Variants in ATP5MJ observed in about 807,000 individuals in gnomAD.
ATP5MJ encodes ATP synthase F(0) complex subunit j, mitochondrial.
Under a neutral mutation model 8.3 loss-of-function variants are expected in ATP5MJ, and 4 were observed. The ratio of observed to expected loss-of-function variants is 0.48; its 90% CI spans 0.24 to 1.11. The LOEUF is 1.11. Ranked by LOEUF, ATP5MJ falls within the 50% of genes least tolerant of loss-of-function variation. ATP5MJ has a pLI of 0.18. For missense variants in ATP5MJ, 66 were observed against 71.8 expected, an observed-to-expected ratio of 0.92 and a Z score of 0.29; for synonymous variants, 23 against 21.3, an observed-to-expected ratio of 1.08 and a Z score of -0.23.
At chr14:103,917,406 G>A (rs748649883) in intron 1 of ATP5MJ, among the ~76,000 whole-genome samples, 1 of 152,138 alleles carries the variant, frequency 6.6e-6, no homozygotes, top group Non-Finnish European at 1.5e-5. Flanking sequence ...GGGCCTTGGA[G>A]GCTAGCATAG....
Position 103,919,075 on chromosome 14 carries a change from G to A in ATP5MJ, c.-1+2395C>T, listed in dbSNP as rs532446399. ...GGACCCAGCCTAGTGCCTAGTGCCTGGTACGGAATAAAAATCCAGAGAATG... is the reference window on the plus strand; with the variant it reads ...GGACCCAGCCTAGTGCCTAGTGCCTAGTACGGAATAAAAATCCAGAGAATG... On this transcript the variant is annotated intron_variant, in intron 1 of 3. Transcript: ENST00000286953. 2.0e-5 allele frequency among the ~76,000 whole-genome samples: 3 copies of A among 151,884 alleles called. No individual in the cohort carries two copies. The South Asian group carries it at 6.3e-4, about 32-fold the overall frequency.
chr14:103,914,748 A>G, intron 2 of ATP5MJ: 2 of 533,600 alleles, frequency 3.7e-6, no homozygotes, highest in East Asian at 3.1e-5. Flanking sequence ...AATCACCTGA[A>G]ATCACCTGAG....
rs1230929866 is a variant in ATP5MJ, at chr14:103,913,838, A to G, written c.148+123T>C. The G allele has an allele frequency of 5.3e-6, 6 of 1,141,960 alleles. No individual in the cohort carries two copies. In the African/African-American group the frequency reaches 9.3e-5, roughly 18 times the overall value. 70.7% of individuals were successfully genotyped at this position (1,141,960 alleles called of 1,614,324 possible). On this transcript the variant is annotated intron_variant, in intron 3 of 3. Coordinates refer to ENST00000286953, the MANE Select transcript of ATP5MJ (RefSeq NM_004894.3). Reference sequence around the variant, plus strand: ...AAACTTCAAGCTGTGAAGCATTTCAACTGCACCTTACATATATACTGAACT... The same window carrying G: ...AAACTTCAAGCTGTGAAGCATTTCAGCTGCACCTTACATATATACTGAACT...
intron 2 of ATP5MJ, chr14:103,914,236 T>G: frequency 1.8e-6 from 1 of 562,596 alleles, no homozygotes; most frequent in East Asian, 2.9e-5. Context: ...CAGCATAAAG[T>G]TTTCTCTTTT....
intron 1 of ATP5MJ, chr14:103,917,883 A>G (rs796204023): frequency 6.6e-6 from 1 of 152,220 alleles, no homozygotes; most frequent in South Asian, 2.1e-4. Context: ...CTGCACTCAC[A>G]CCAAATCTGT....
At chr14:103,915,249 A>G (rs2087616076) in intron 1 of ATP5MJ, 60 bp from the exon 2 acceptor site, 6 of 1,580,146 alleles carry the variant, frequency 3.8e-6, no homozygotes, top group African/African-American at 1.4e-5. Context: ...CTAACTGGTA[A>G]AAGATTTTAA....
intron 1 of ATP5MJ, among the ~76,000 whole-genome samples, chr14:103,918,975 T>C (rs944145114): frequency 3.3e-5 from 5 of 150,828 alleles, no homozygotes; most frequent in Admixed American, 2.0e-4. Flanking sequence ...TGAGCCAAGA[T>C]TGCACCACTG....
chr14:103,917,987 G>A (rs1430804361), intron 1 of ATP5MJ: 1 of 152,218 alleles, frequency 6.6e-6, no homozygotes, highest in Admixed American at 6.5e-5. Flanking sequence ...TGGTCGTGAG[G>A]GTGGCCTGAG....
In ATP5MJ at chr14:103,912,474, G is replaced by A. The variant is rs2087587863; in HGVS notation, c.*192C>T. 4 of 635,168 alleles carry A rather than the reference G, an allele frequency of 6.3e-6. No individual in the cohort carries two copies. The highest frequency in any genetic ancestry group is 1.1e-5 in the Non-Finnish European group (4 of 356,744). The allele number at this position is 635,168 out of a possible 1,614,324, so 39.3% of individuals were successfully genotyped here. A position where few individuals can be genotyped will look rare whatever the true frequency, so the allele number is the denominator to read the frequency against. ...CTCAGAGTATGCCTGACACGCCGGA[G>A]GGGCTGAGGGGGAACACACTGAAAG... On this transcript the variant is annotated 3_prime_UTR_variant, in exon 4 of 4. Transcript: ENST00000286953.
At chr14:103,920,194 G>A (rs1401856169) in intron 1 of ATP5MJ, among the ~76,000 whole-genome samples, 4 of 147,494 alleles carry the variant, frequency 2.7e-5, no homozygotes, top group African/African-American at 7.6e-5. Context: ...ACGCGATCTC[G>A]GCTCACTGCA....
chr14:103,914,218 T>C (rs1379829696), intron 2 of ATP5MJ: 2 of 570,444 alleles, frequency 3.5e-6, no homozygotes, highest in Non-Finnish European at 3.1e-6. Context: ...TCCTAAACTT[T>C]AGTCTTGCAG....
chr14:103,915,787 C>G (rs3783311), intron 1 of ATP5MJ, among the ~76,000 whole-genome samples: 3,498 of 152,054 alleles, frequency 0.023, 74 homozygotes, highest in East Asian at 0.06. Context: ...AGGGCCCGGC[C>G]TGGGACTCAT....
intron 2 of ATP5MJ, chr14:103,914,552 G>C (rs961539321): frequency 1.5e-6 from 1 of 687,842 alleles, no homozygotes; most frequent in Non-Finnish European, 2.7e-6. Context: ...GTTAATTCCA[G>C]CACTTTGGGA....
chr14:103,919,920 G>A (rs1256497558), intron 1 of ATP5MJ, among the ~76,000 whole-genome samples: 3 of 151,556 alleles, frequency 2.0e-5, no homozygotes, highest in South Asian at 2.1e-4. Context: ...TCCGCCTCCC[G>A]GGTGCAAGCG....
At chr14:103,919,400 A>AG (rs1169974532) in intron 1 of ATP5MJ, among the ~76,000 whole-genome samples, 7 of 151,212 alleles carry the variant, frequency 4.6e-5, no homozygotes, top group African/African-American at 1.7e-4. Context: ...AAAAAAAAAA[A>AG]AAGAATTCAG....
At position 103,921,104 on chromosome 14, in the gene ATP5MJ, G is replaced by A. The variant is rs188152120; in HGVS notation, c.-1+366C>T. The A allele has an allele frequency of 2.2e-5, 30 of 1,394,088 alleles. No individual in the cohort carries two copies. The Admixed American group carries it at 4.4e-4, about 20-fold the overall frequency. The allele number at this position is 1,394,088 out of a possible 1,614,324, so 86.4% of individuals were successfully genotyped here. A position where few individuals can be genotyped will look rare whatever the true frequency, so the allele number is the denominator to read the frequency against. On this transcript the variant is annotated intron_variant, in intron 1 of 3. Transcript: ENST00000286953. Reference sequence around the variant, plus strand: ...GAAACTTGAGTTATAAAGGAGAGAAGGGACTGGATGTGGAGTCAGAGTTCT... The same window carrying A: ...GAAACTTGAGTTATAAAGGAGAGAAAGGACTGGATGTGGAGTCAGAGTTCT...
chr14:103,919,383 T>TAAAAA (rs34078178), intron 1 of ATP5MJ, among the ~76,000 whole-genome samples: 2 of 130,210 alleles, frequency 1.5e-5, no homozygotes, highest in Non-Finnish European at 1.6e-5. Context: ...CCCTTTATCT[T>TAAAAA]AAAAAAAAAA....
chr14:103,913,590 G>A (rs1033397409), intron 3 of ATP5MJ: 21 of 344,874 alleles, frequency 6.1e-5, no homozygotes, highest in African/African-American at 8.4e-5. Context: ...CAGCCTGGGC[G>A]ACAGAGCGAG....
At chr14:103,915,333 A>G (rs1191738354) in intron 1 of ATP5MJ, 144 bp from the exon 2 acceptor site, 9 of 858,250 alleles carry the variant, frequency 1.0e-5, no homozygotes, top group Non-Finnish European at 1.4e-5. Flanking sequence ...CCCGTTCTGC[A>G]CTCACAGGGG....
Sources: gnomAD v4.1 joint callset for allele counts (sites outside exome capture counted in the v4.1 genomes callset) on GRCh38, gnomAD v4.1.1 for gene constraint, MANE v1.5 for transcripts, NCBI Gene and HGNC (gene_info 2026-07-23, HGNC 2026-07-21) for gene names.